ZDHHC14: variants seen among roughly 807,000 people sequenced by gnomAD.
ZDHHC14 encodes the protein palmitoyltransferase ZDHHC14.
ZDHHC14 carries 16 observed loss-of-function variants against 47.7 expected under a neutral mutation model. The ratio of observed to expected loss-of-function variants is 0.34; its 90% CI spans 0.23 to 0.51. The LOEUF (loss-of-function observed/expected upper bound fraction) is 0.51. Among genes scored for constraint, ZDHHC14 ranks in the 20% least tolerant of loss-of-function variants. The pLI is 0.97. For synonymous variants in ZDHHC14, 293 were observed against 278.9 expected, an observed-to-expected ratio of 1.05 and a Z score of -0.50; for missense variants, 515 against 662.5, an observed-to-expected ratio of 0.78 and a Z score of 2.44.
chr6:157,396,841 C>A (rs1777532578), intron 1 of ZDHHC14, among the ~76,000 whole-genome samples: 1 of 152,150 alleles, frequency 6.6e-6, no homozygotes, highest in Non-Finnish European at 1.5e-5. Context: ...TGTATTTCTT[C>A]TTTGGCTAGA....
At chr6:157,405,282 GA>G (rs1777728333) in intron 1 of ZDHHC14, among the ~76,000 whole-genome samples, 1 of 152,242 alleles carries the variant, frequency 6.6e-6, no homozygotes, top group East Asian at 1.9e-4. Context: ...GCCCAGGCTG[GA>G]ATGCAGTGGC....
chr6:157,448,323 C>T (rs984195715), intron 1 of ZDHHC14, among the ~76,000 whole-genome samples: 1 of 151,960 alleles, frequency 6.6e-6, no homozygotes, highest in Non-Finnish European at 1.5e-5. Context: ...AATATTTTTC[C>T]TGTCTAGAGT....
At chr6:157,494,604 C>T (rs769932145) in intron 1 of ZDHHC14, among the ~76,000 whole-genome samples, 5 of 152,198 alleles carry the variant, frequency 3.3e-5, no homozygotes, top group Non-Finnish European at 7.3e-5. Context: ...TAAAGGGGGA[C>T]ATGACTTACT....
intron 1 of ZDHHC14, among the ~76,000 whole-genome samples, chr6:157,441,934 A>C (rs1778569128): frequency 6.6e-6 from 1 of 152,232 alleles, no homozygotes; most frequent in Non-Finnish European, 1.5e-5. Context: ...TGGAAACAAT[A>C]TTTTAGCATT....
intron 1 of ZDHHC14, among the ~76,000 whole-genome samples, chr6:157,530,287 A>G (rs1462478847): frequency 2.6e-5 from 4 of 152,200 alleles, no homozygotes; most frequent in Non-Finnish European, 5.9e-5. Context: ...GGATAATTAC[A>G]TGGTAGGAAC....
intron 8 of ZDHHC14, among the ~76,000 whole-genome samples, chr6:157,654,905 T>G (rs1778016305): frequency 6.6e-6 from 1 of 152,010 alleles, no homozygotes; most frequent in Admixed American, 6.6e-5. Context: ...AGGCTAATTT[T>G]TGTATTTTTA....
chr6:157,615,813 T>TTTTGTTTTGTTTTGG (rs1191370391), intron 3 of ZDHHC14, among the ~76,000 whole-genome samples: 2 of 145,404 alleles, frequency 1.4e-5, no homozygotes, highest in African/African-American at 5.1e-5. Context: ...TTTTGTTTTG[T>TTTTGTTTTGTTTTGG]TTTGGTTGTT....
intron 3 of ZDHHC14, among the ~76,000 whole-genome samples, chr6:157,611,971 T>C (rs1248799755): frequency 6.6e-6 from 1 of 152,194 alleles, no homozygotes; most frequent in Non-Finnish European, 1.5e-5. Flanking sequence ...CAGACATGCA[T>C]ATGCAGCTTC....
intron 1 of ZDHHC14, among the ~76,000 whole-genome samples, chr6:157,486,407 A>C (rs1779779285): frequency 6.6e-6 from 1 of 152,246 alleles, no homozygotes; most frequent in Non-Finnish European, 1.5e-5. Context: ...CATAAAATGA[A>C]GCAATGGATA....
intron 4 of ZDHHC14, chr6:157,631,099 A>C (rs996810444): frequency 6.6e-6 from 1 of 152,236 alleles, no homozygotes; most frequent in Non-Finnish European, 1.5e-5. Context: ...CCACACTCAT[A>C]TATAGTCACC....
At chr6:157,556,255 G>A (rs1782457501) in intron 2 of ZDHHC14, among the ~76,000 whole-genome samples, 1 of 151,958 alleles carries the variant, frequency 6.6e-6, no homozygotes, top group South Asian at 2.1e-4. Flanking sequence ...ACAGGGGTGG[G>A]GGGTGGAGGG....
At chr6:157,544,973 C>A (rs1322876839) in intron 2 of ZDHHC14, among the ~76,000 whole-genome samples, 1 of 152,164 alleles carries the variant, frequency 6.6e-6, no homozygotes, top group East Asian at 1.9e-4. Context: ...AGAGGATGAA[C>A]TGATGATCCA....
At chr6:157,648,309 A>G (rs1041594454) in intron 7 of ZDHHC14, among the ~76,000 whole-genome samples, 1 of 152,228 alleles carries the variant, frequency 6.6e-6, no homozygotes, top group African/African-American at 2.4e-5. Context: ...GAAATGACAA[A>G]AGCCACCATG....
chr6:157,434,382 C>G (rs1295686657), intron 1 of ZDHHC14, among the ~76,000 whole-genome samples: 1 of 152,016 alleles, frequency 6.6e-6, no homozygotes, highest in Admixed American at 6.6e-5. Flanking sequence ...GGAGCTGGGC[C>G]TGTTCACACC....
At chr6:157,635,949 A>G (rs1776951642) in intron 5 of ZDHHC14, among the ~76,000 whole-genome samples, 1 of 152,096 alleles carries the variant, frequency 6.6e-6, no homozygotes, top group Non-Finnish European at 1.5e-5. Flanking sequence ...TGCCTTTCCA[A>G]ATAGTGTTTC....
At chr6:157,629,123 A>G (rs35164243) in intron 4 of ZDHHC14, among the ~76,000 whole-genome samples, 85,176 of 152,186 alleles carry the variant, frequency 0.56, 25,989 homozygotes, top group East Asian at 0.87. Context: ...TTGGAAATCA[A>G]TTATTTTAAT....
intron 1 of ZDHHC14, among the ~76,000 whole-genome samples, chr6:157,430,484 C>T (rs1343828554): frequency 6.6e-6 from 1 of 152,150 alleles, no homozygotes. Flanking sequence ...AGGCTGCCCC[C>T]GCCTTTCCCT....
intron 1 of ZDHHC14, among the ~76,000 whole-genome samples, chr6:157,430,810 C>T (rs1177371946): frequency 6.6e-6 from 1 of 152,216 alleles, no homozygotes. Context: ...TCACTGGTGG[C>T]CCTGCCAAGG....
rs1172777882 is a variant in ZDHHC14 at position 157,394,938 on chromosome 6, A to T, written c.245+12672A>T. Among the ~76,000 whole-genome samples, 36 of 150,886 alleles carry T rather than the reference A, an allele frequency of 2.4e-4. 2 individuals carry two copies. Among genetic ancestry groups the T allele is most frequent in the Admixed American group, 2.4e-3 (36 of 15,092 alleles). On this transcript the variant is annotated intron_variant, in intron 1 of 8. Transcript: ENST00000359775. Reference sequence around the variant, plus strand: ...GGTAAATTCAGAGTCAGCTCTTCCCACTCCCTTCCATTCCAGAATGCTTCT... The same window carrying T: ...GGTAAATTCAGAGTCAGCTCTTCCCTCTCCCTTCCATTCCAGAATGCTTCT...
Sources: allele counts gnomAD v4.1 joint callset (sites outside exome capture counted in the v4.1 genomes callset), GRCh38; gene constraint gnomAD v4.1.1; transcripts MANE v1.5; gene names NCBI Gene and HGNC (gene_info 2026-07-23, HGNC 2026-07-21).